ACAD11: variants seen among roughly 807,000 people sequenced by gnomAD.
The protein encoded by ACAD11 is acyl-Coenzyme A dehydrogenase family, member 11.
A neutral mutation model predicts 102.2 loss-of-function variants in ACAD11; 83 were observed. The ratio of observed to expected loss-of-function variants is 0.81; its 90% confidence interval spans 0.68 to 0.97. The LOEUF (loss-of-function observed/expected upper bound fraction) is 0.97. ACAD11 is among the 50% of genes least tolerant of loss of function. ACAD11 has a pLI of 0.00. For synonymous variants in ACAD11, 324 were observed against 319.8 expected, an observed-to-expected ratio of 1.01 and a Z score of -0.14; for missense variants, 901 against 951.7, an observed-to-expected ratio of 0.95 and a Z score of 0.70.
At chr3:132,566,117 T>C (rs1163216243) in intron 17 of ACAD11, among the ~76,000 whole-genome samples, 3 of 150,864 alleles carry the variant, frequency 2.0e-5, no homozygotes, top group South Asian at 2.1e-4. Flanking sequence ...AGCAAAGAAA[T>C]AGAAGATGTA....
At chr3:132,581,621 A>C (rs190141142) in intron 13 of ACAD11, among the ~76,000 whole-genome samples, 1 of 152,120 alleles carries the variant, frequency 6.6e-6, no homozygotes, top group Admixed American at 6.5e-5. Context: ...CAAATAATGC[A>C]AATAAAGAGA....
intron 13 of ACAD11, among the ~76,000 whole-genome samples, chr3:132,589,454 G>C (rs1398655984): frequency 6.6e-6 from 1 of 152,146 alleles, no homozygotes; most frequent in East Asian, 1.9e-4. Flanking sequence ...AAATTATAGA[G>C]GAAGAATCAT....
At position 132,642,763 on chromosome 3, in the gene ACAD11, T is replaced by C. The variant is rs755417782; in HGVS notation, c.289A>G (p.Ile97Val). The change falls in exon 3 of 20, where the codon ATT (isoleucine) becomes GTT (valine). Residue 97 changes from isoleucine to valine, a missense_variant. Ile to Val is a conservative substitution (Grantham distance 29). Coordinates refer to ENST00000264990, the MANE Select transcript of ACAD11 (RefSeq NM_032169.5). ...EFKVQKALFS[I>V]GFPVPKPILY... The stretch of plus-strand genomic sequence containing the variant: ...ATAGGCTTGGGAACGGGGAATCCAA[T>C]TGAAAACAAGGCTTTCTGGACTTTA... The C allele has an allele frequency of 8.7e-6, 14 of 1,613,304 alleles. No homozygotes were observed. The highest frequency in any genetic ancestry group is 1.1e-5 in the Non-Finnish European group (13 of 1,179,674).
intron 17 of ACAD11, 89 bp downstream of exon 17, chr3:132,575,683 G>T: frequency 1.3e-6 from 2 of 1,501,440 alleles, no homozygotes; most frequent in South Asian, 1.2e-5. Context: ...TTCATGTAGA[G>T]AAAGTCTGTC....
intron 11 of ACAD11, among the ~76,000 whole-genome samples, chr3:132,617,149 T>C (rs934267104): frequency 2.0e-5 from 3 of 152,192 alleles, no homozygotes; most frequent in Non-Finnish European, 2.9e-5. Flanking sequence ...TATTGTCCCA[T>C]AATCATCCTA....
At chr3:132,653,265 T>G (rs570529577) in intron 1 of ACAD11, among the ~76,000 whole-genome samples, 1 of 152,178 alleles carries the variant, frequency 6.6e-6, no homozygotes, top group Non-Finnish European at 1.5e-5. Context: ...TTCTTCTCCA[T>G]CTTCATTCTC....
chr3:132,654,853 C>T (rs568221454), intron 1 of ACAD11, among the ~76,000 whole-genome samples: 8 of 152,284 alleles, frequency 5.3e-5, no homozygotes, highest in East Asian at 1.9e-4. Context: ...GGCACTGATT[C>T]GTTGTGAAAC....
rs1462259598 is a variant in ACAD11 at position 132,575,765 on chromosome 3, T to C, written c.2001+7A>G. On this transcript the variant is annotated splice_region_variant and intron_variant, in intron 17 of 19. Coordinates refer to ENST00000264990, the MANE Select transcript of ACAD11 (RefSeq NM_032169.5). Reference sequence around the variant, plus strand: ...TACAATAAATTCAAATAAGTAATCGTCCTCACATGTGCATACAACTTCTTC... The same window carrying C: ...TACAATAAATTCAAATAAGTAATCGCCCTCACATGTGCATACAACTTCTTC... 2.5e-6 allele frequency: 4 copies of C among 1,613,844 alleles called. No homozygotes were observed. The highest frequency in any genetic ancestry group is 2.2e-5 in the East Asian group (1 of 44,838).
At position 132,642,137 on chromosome 3, in the gene ACAD11, T is replaced by C. The variant is rs1940551156; in HGVS notation, c.376-4A>G. 1 of 1,611,228 alleles carries C rather than the reference T, an allele frequency of 6.2e-7. No homozygotes were observed. Among genetic ancestry groups the C allele is most frequent in the Non-Finnish European group, 8.5e-7 (1 of 1,178,238 alleles). On this transcript the variant is annotated splice_polypyrimidine_tract_variant and splice_region_variant and intron_variant, in intron 3 of 19. Coordinates refer to ENST00000264990, the MANE Select transcript of ACAD11 (RefSeq NM_032169.5). ...TTAAATCACGGAAGATTCGACCCTA[T>C]GGAAGTGATTACAACAGATTATTTA...
At chr3:132,566,816 G>A (rs1937226874) in intron 17 of ACAD11, among the ~76,000 whole-genome samples, 1 of 151,992 alleles carries the variant, frequency 6.6e-6, no homozygotes, top group African/African-American at 2.4e-5. Flanking sequence ...AAGAAACCTT[G>A]GAAAATCAGG....
intron 12 of ACAD11, among the ~76,000 whole-genome samples, chr3:132,604,782 A>C (rs962709905): frequency 2.6e-5 from 4 of 152,216 alleles, no homozygotes; most frequent in Admixed American, 2.6e-4. Context: ...AAGGGCAAAG[A>C]AGATCTTAAA....
At position 132,575,001 on chromosome 3, in the gene ACAD11, A is replaced by T. The variant is rs972349788; in HGVS notation, c.2001+771T>A. Among the ~76,000 whole-genome samples, 5 of 150,482 alleles carry T rather than the reference A, an allele frequency of 3.3e-5. No individual in the cohort carries two copies. In the South Asian group the frequency reaches 8.4e-4, roughly 25 times the overall value. On this transcript the variant is annotated intron_variant, in intron 17 of 19. Transcript: ENST00000264990. Reference sequence around the variant, plus strand: ...AGGTGCACATCGCCATGCCTGGTTAATTTTTTTTGTTTTTTTTTGTATTTT... The same window carrying T: ...AGGTGCACATCGCCATGCCTGGTTATTTTTTTTTGTTTTTTTTTGTATTTT...
chr3:132,562,689 C>A (rs1231012926), intron 17 of ACAD11, among the ~76,000 whole-genome samples: 1 of 152,136 alleles, frequency 6.6e-6, no homozygotes, highest in Non-Finnish European at 1.5e-5. Flanking sequence ...TGCTGTTGAT[C>A]CCCTTCAATG....
chr3:132,654,245 ATGT>A lies in ACAD11; in HGVS notation c.149+5355_149+5357del, dbSNP rs922757884. 4.6e-5 allele frequency among the ~76,000 whole-genome samples: 7 copies of A among 152,344 alleles called. No homozygotes were observed. The East Asian group carries it at 7.7e-4, about 17-fold the overall frequency. On this transcript the variant is annotated intron_variant, in intron 1 of 19. Transcript: ENST00000264990. Reference sequence around the variant, plus strand: ...ATGACAGGGATGTGTTCTGGAAAATATGTTGTTAAGTGATTTTTGTCACGTGTA... The same window carrying A: ...ATGACAGGGATGTGTTCTGGAAAATATGTTAAGTGATTTTTGTCACGTGTA...
intron 1 of ACAD11, among the ~76,000 whole-genome samples, chr3:132,645,333 A>G (rs925737266): frequency 1.4e-4 from 21 of 152,242 alleles, no homozygotes; most frequent in African/African-American, 5.1e-4. Context: ...GATAACCCTC[A>G]TAAGTGTCAA....
chr3:132,559,763 C>G lies in ACAD11; in HGVS notation c.2228+70G>C, dbSNP rs1313665472. On this transcript the variant is annotated intron_variant, in intron 19 of 19. Transcript: ENST00000264990. ...GAAAATAAACATAAGCAATTAATGTCAAGGCATCTGTAGATTTTTTACCTC... is the reference window on the plus strand; with the variant it reads ...GAAAATAAACATAAGCAATTAATGTGAAGGCATCTGTAGATTTTTTACCTC... The G allele has an allele frequency of 3.3e-6, 4 of 1,224,204 alleles. No individual in the cohort carries two copies. The East Asian group carries it at 9.9e-5, about 30-fold the overall frequency. The allele number at this position is 1,224,204 out of a possible 1,614,324, so 75.8% of individuals were successfully genotyped here. A position where few individuals can be genotyped will look rare whatever the true frequency, so the allele number is the denominator to read the frequency against.
rs759902679 is a variant in ACAD11, at chr3:132,618,731, T to C, written c.1317A>G (p.Pro439=). ...KVEGLWNLFL[P]AVSGLSHVDY... is the part of the protein sequence containing the mutation. ...CCACGTGGCTGAGTCCGCTGACAGC[T>C]GGCAAAAACAAGTTCCAGAGACCCT... Residue 439 remains proline (P), a synonymous_variant, in exon 11 of 20, where the codon CCA becomes CCG. Transcript: ENST00000264990. 2.5e-6 allele frequency: 4 copies of C among 1,599,068 alleles called. No individual in the cohort carries two copies. In the Admixed American group the frequency reaches 7.0e-5, roughly 28 times the overall value.
intron 8 of ACAD11, 49 bp from the exon 9 acceptor site, chr3:132,626,866 TCA>T (rs769653487): frequency 2.4e-5 from 38 of 1,569,204 alleles, no homozygotes; most frequent in Admixed American, 3.7e-5. Flanking sequence ...TGTCCAAAGA[TCA>T]TTATTACATA....
chr3:132,644,884 G>A lies in ACAD11; in HGVS notation c.162C>T (p.Ser54=), dbSNP rs1467645644. The change falls in exon 2 of 20, where the codon TCC becomes TCT. Residue 54 remains serine (S), a synonymous_variant. Coordinates refer to ENST00000264990, the MANE Select transcript of ACAD11 (RefSeq NM_032169.5). ...LTIAQYRAGK[S]NPTFYLQKGF... ...CCTTCTGGAGATAAAAGGTTGGATT[G>A]GACTTTCCTGCTCTAGATAAAAGTA... 3 of 1,604,284 alleles carry A rather than the reference G, an allele frequency of 1.9e-6. No individual in the cohort carries two copies. Among genetic ancestry groups the A allele is most frequent in the Admixed American group, 1.7e-5 (1 of 58,978 alleles).
Sources: gnomAD v4.1 joint callset for allele counts (sites outside exome capture counted in the v4.1 genomes callset) on GRCh38, gnomAD v4.1.1 for gene constraint, MANE v1.5 for transcripts, NCBI Gene and HGNC (gene_info 2026-07-23, HGNC 2026-07-21) for gene names.